NCAM2: variants seen among roughly 807,000 people sequenced by gnomAD.
NCAM2 encodes N-CAM-2.
Under a neutral mutation model 98.1 loss-of-function variants are expected in NCAM2, and 30 were observed. The observed-to-expected ratio is 0.31, with a 90% CI of 0.23 to 0.41. The LOEUF is 0.41. Among genes scored for constraint, NCAM2 ranks in the 10% least tolerant of loss-of-function variants. The pLI is 1.00. For synonymous variants in NCAM2, 368 were observed against 342.4 expected (o/e 1.07, Z -0.83); for missense variants, 867 against 1,005.8 (o/e 0.86, Z 1.87).
chr21:21,264,654 C>CAT lies in NCAM2; in HGVS notation c.56-15912_56-15911dup, dbSNP rs550394261. ...TGTGATGTGTATGTATGTGTGTGTG[C>CAT]ATATATATATATACACACACACACA... On this transcript the variant is annotated intron_variant, in intron 1 of 17. Coordinates refer to ENST00000400546, the MANE Select transcript of NCAM2 (RefSeq NM_004540.5). 8.6e-3 allele frequency among the ~76,000 whole-genome samples: 1,271 copies of CAT among 147,958 alleles called. 22 individuals carry two copies. The highest frequency in any genetic ancestry group is 0.029 in the African/African-American group (1,186 of 40,298).
intron 16 of NCAM2, among the ~76,000 whole-genome samples, chr21:21,530,205 ATAATTTAATT>A (rs1331371201): frequency 1.4e-5 from 1 of 69,984 alleles, no homozygotes; most frequent in Non-Finnish European, 3.1e-5. Flanking sequence ...TTAATTATAT[ATAATTTAATT>A]TAATTTAATT....
intron 1 of NCAM2, among the ~76,000 whole-genome samples, chr21:21,120,702 T>C (rs1358111692): frequency 6.8e-6 from 1 of 147,150 alleles, no homozygotes; most frequent in Non-Finnish European, 1.5e-5. Context: ...AATTGATGTT[T>C]ATTTATTTTT....
At chr21:21,232,760 T>C (rs1020940674) in intron 1 of NCAM2, among the ~76,000 whole-genome samples, 17 of 151,702 alleles carry the variant, frequency 1.1e-4, no homozygotes, top group African/African-American at 4.1e-4. Context: ...CCAACATTGC[T>C]TTAGTTTTAT....
At chr21:21,029,031 A>C (rs746682931) in intron 1 of NCAM2, among the ~76,000 whole-genome samples, 16 of 152,228 alleles carry the variant, frequency 1.1e-4, no homozygotes, top group Non-Finnish European at 1.9e-4. Context: ...TTTTTAAACT[A>C]TCTTGAAATG....
intron 9 of NCAM2, among the ~76,000 whole-genome samples, chr21:21,393,981 G>A (rs1329333880): frequency 6.6e-6 from 1 of 151,286 alleles, no homozygotes; most frequent in Non-Finnish European, 1.5e-5. Context: ...ACCAGTAAAT[G>A]TTTTATCATG....
intron 12 of NCAM2, among the ~76,000 whole-genome samples, chr21:21,433,801 T>TA (rs2077406033): frequency 1.8e-5 from 2 of 112,054 alleles, no homozygotes; most frequent in South Asian, 5.3e-4. Context: ...AAAATAAAAA[T>TA]AAAAGAGAGA....
chr21:21,514,530 T>G (rs1317576458), intron 16 of NCAM2, among the ~76,000 whole-genome samples: 1 of 151,706 alleles, frequency 6.6e-6, no homozygotes, highest in Non-Finnish European at 1.5e-5. Flanking sequence ...TGCCTGATCT[T>G]CATGTAGTTT....
chr21:21,192,670 A>G (rs142133457), intron 1 of NCAM2, among the ~76,000 whole-genome samples: 47 of 152,326 alleles, frequency 3.1e-4, no homozygotes, highest in African/African-American at 1.1e-3. Flanking sequence ...AAACAAACAA[A>G]TGAAAAATCC....
chr21:21,051,528 A>G (rs1170301893), intron 1 of NCAM2, among the ~76,000 whole-genome samples: 3 of 152,248 alleles, frequency 2.0e-5, no homozygotes, highest in African/African-American at 7.2e-5. Flanking sequence ...CTTCATTTTC[A>G]GAATGCAAAT....
intron 1 of NCAM2, among the ~76,000 whole-genome samples, chr21:21,219,777 T>C (rs930858222): frequency 6.6e-6 from 1 of 152,218 alleles, no homozygotes; most frequent in African/African-American, 2.4e-5. Flanking sequence ...GCAGTTACCA[T>C]AGGAGATGAA....
intron 8 of NCAM2, among the ~76,000 whole-genome samples, chr21:21,364,661 T>C (rs1219795558): frequency 6.6e-6 from 1 of 151,992 alleles, no homozygotes; most frequent in Non-Finnish European, 1.5e-5. Flanking sequence ...TACATATACA[T>C]ATACACATAC....
At chr21:21,036,421 C>T (rs1473196015) in intron 1 of NCAM2, among the ~76,000 whole-genome samples, 2 of 152,118 alleles carry the variant, frequency 1.3e-5, no homozygotes, top group East Asian at 3.9e-4. Context: ...TCTCTTATGA[C>T]ACCAAAATGG....
intron 11 of NCAM2, among the ~76,000 whole-genome samples, chr21:21,423,626 C>T (rs971280881): frequency 1.1e-4 from 16 of 152,056 alleles, no homozygotes; most frequent in Non-Finnish European, 2.1e-4. Context: ...ATTTTTTACA[C>T]AAACTGCTAT....
intron 1 of NCAM2, among the ~76,000 whole-genome samples, chr21:21,143,291 T>A (rs1488204963): frequency 6.6e-6 from 1 of 152,206 alleles, no homozygotes; most frequent in African/African-American, 2.4e-5. Context: ...GAAGTGTGTG[T>A]CAACGCATCT....
intron 9 of NCAM2, among the ~76,000 whole-genome samples, chr21:21,375,313 AT>A (rs1247380673): frequency 6.6e-6 from 1 of 151,596 alleles, no homozygotes; most frequent in African/African-American, 2.4e-5. Flanking sequence ...AGTTGTTGGA[AT>A]TTACTAAACT....
chr21:21,117,287 T>C (rs945692507), intron 1 of NCAM2, among the ~76,000 whole-genome samples: 7 of 143,920 alleles, frequency 4.9e-5, no homozygotes, highest in African/African-American at 1.8e-4. Flanking sequence ...TGTAAGATTC[T>C]ATATATAAGT....
intron 6 of NCAM2, among the ~76,000 whole-genome samples, chr21:21,333,906 T>G (rs2074782938): frequency 1.3e-5 from 2 of 152,116 alleles, no homozygotes; most frequent in Admixed American, 6.6e-5. Flanking sequence ...TTGTAAAGAT[T>G]GCATTAGTAA....
intron 8 of NCAM2, among the ~76,000 whole-genome samples, chr21:21,352,347 C>T (rs1467565811): frequency 1.3e-5 from 2 of 151,964 alleles, no homozygotes; most frequent in South Asian, 4.2e-4. Context: ...GTCATGAACT[C>T]CTGGACTCAA....
At chr21:21,127,284 A>G (rs1444525301) in intron 1 of NCAM2, among the ~76,000 whole-genome samples, 2 of 151,962 alleles carry the variant, frequency 1.3e-5, no homozygotes, top group Non-Finnish European at 2.9e-5. Flanking sequence ...AAAAACTGAA[A>G]TGGAACATTT....
Sources: allele counts gnomAD v4.1 joint callset (sites outside exome capture counted in the v4.1 genomes callset), GRCh38; gene constraint gnomAD v4.1.1; transcripts MANE v1.5; gene names NCBI Gene and HGNC (gene_info 2026-07-23, HGNC 2026-07-21).